Variants in ARVCF observed in about 807,000 individuals in gnomAD.
ARVCF encodes the protein splicing regulator ARVCF.
A neutral mutation model predicts 90.9 loss-of-function variants in ARVCF; 66 were observed. That is an observed-to-expected ratio of 0.73 (90% CI 0.60 to 0.89). ARVCF has a LOEUF of 0.89. ARVCF is among the 40% of genes least tolerant of loss of function. ARVCF has a pLI of 0.00. For missense variants in ARVCF, 1,469 were observed against 1,382.3 expected (o/e 1.06, Z -1.00); for synonymous variants, 653 against 603.4 (o/e 1.08, Z -1.21).
rs751420723 is a variant in ARVCF, at chr22:19,979,747, G to A, written c.1392C>T (p.Val464=). Reference sequence around the variant, plus strand: ...GCATGGCCAGGTCCCACTCACCAGTGACAAGCTCACGGACCTCGTTGTCCC... The same window carrying A: ...GCATGGCCAGGTCCCACTCACCAGTAACAAGCTCACGGACCTCGTTGTCCC... ...AARDNEVREL[V]TGTLWNLSSY... Residue 464 remains valine (V), a synonymous_variant, in exon 6 of 20, where the codon GTC becomes GTT. Transcript: ENST00000263207. 4 of 1,596,370 alleles carry A rather than the reference G, an allele frequency of 2.5e-6. No individual in the cohort carries two copies. The highest frequency in any genetic ancestry group is 2.6e-6 in the Non-Finnish European group (3 of 1,168,496).
intron 2 of ARVCF, among the ~76,000 whole-genome samples, chr22:19,991,782 T>C (rs183191580): frequency 2.4e-4 from 37 of 152,356 alleles, no homozygotes. Context: ...AGGACAAGTA[T>C]GCGGAGCTCC....
chr22:19,973,548 C>G (rs547657125), intron 13 of ARVCF, 95 bp downstream of exon 13: 1 of 1,514,310 alleles, frequency 6.6e-7, no homozygotes, highest in Non-Finnish European at 8.8e-7. Flanking sequence ...GGGGCCTGGA[C>G]TCCCAAACCA....
chr22:19,991,984 C>T (rs1944045122), intron 2 of ARVCF, among the ~76,000 whole-genome samples: 1 of 152,252 alleles, frequency 6.6e-6, no homozygotes, highest in South Asian at 2.1e-4. Flanking sequence ...ACACGCACTG[C>T]GGGTGACATC....
chr22:19,996,739 T>A lies in ARVCF; in HGVS notation c.-18-5927A>T, dbSNP rs1201071705. ...TAGGAAATAGACAAACCAGATACCC[T>A]CCCCACCAGGCAGGCGAGTGAAAGC... On this transcript the variant is annotated intron_variant, in intron 2 of 19. Coordinates refer to ENST00000263207, the MANE Select transcript of ARVCF (RefSeq NM_001670.3). Among the ~76,000 whole-genome samples, 5 of 151,918 alleles carry A rather than the reference T, an allele frequency of 3.3e-5. No individual in the cohort carries two copies. In the East Asian group the frequency reaches 9.7e-4, roughly 29 times the overall value.
At chr22:20,013,215 C>T (rs1321973593) in intron 1 of ARVCF, among the ~76,000 whole-genome samples, 1 of 152,264 alleles carries the variant, frequency 6.6e-6, no homozygotes, top group Non-Finnish European at 1.5e-5. Context: ...CCACCCTGGG[C>T]ACATAGTGAG....
At chr22:20,000,810 C>T (rs1407470045) in intron 2 of ARVCF, among the ~76,000 whole-genome samples, 1 of 152,168 alleles carries the variant, frequency 6.6e-6, no homozygotes, top group Middle Eastern at 3.4e-3. Context: ...AGAGGACACA[C>T]AGCGCCATCT....
At chr22:19,971,149 G>A (rs1942745927) in intron 19 of ARVCF, 67 bp downstream of exon 19, 1 of 1,549,874 alleles carries the variant, frequency 6.5e-7, no homozygotes, top group East Asian at 2.4e-5. Flanking sequence ...AGGCAGCGGA[G>A]ACTAACAAGA....
chr22:20,007,060 C>T (rs1348819677), intron 2 of ARVCF, among the ~76,000 whole-genome samples: 1 of 152,040 alleles, frequency 6.6e-6, no homozygotes, highest in African/African-American at 2.4e-5. Flanking sequence ...TCGAGACCAA[C>T]CTGGGCAACA....
In ARVCF at chr22:19,972,420, C is replaced by T; in HGVS notation, c.2642-9G>A. On this transcript the variant is annotated splice_polypyrimidine_tract_variant and intron_variant, in intron 16 of 19. Coordinates refer to ENST00000263207, the MANE Select transcript of ARVCF (RefSeq NM_001670.3). ...GCCAGTTTTCTCGCCCTCTGCAAGG[C>T]AGGAGGAGGAGACGGGCTGCATGTG... 6.2e-7 allele frequency: 1 copy of T among 1,613,380 alleles called. No individual in the cohort carries two copies. Among genetic ancestry groups the T allele is most frequent in the Non-Finnish European group, 8.5e-7 (1 of 1,179,914 alleles).
In ARVCF at chr22:19,984,543, C is replaced by T. The variant is rs539092540; in HGVS notation, c.211-2452G>A. ...GTCAGCCAGTGATCACAGGAAAGCCCGGCCCCTGCTACACATGCCCAGGCA... is the reference window on the plus strand; with the variant it reads ...GTCAGCCAGTGATCACAGGAAAGCCTGGCCCCTGCTACACATGCCCAGGCA... On this transcript the variant is annotated intron_variant, in intron 3 of 19. Transcript: ENST00000263207. Among the ~76,000 whole-genome samples, 10 of 152,294 alleles carry T rather than the reference C, an allele frequency of 6.6e-5. No homozygotes were observed. In the South Asian group the frequency reaches 1.9e-3, roughly 28 times the overall value.
intron 3 of ARVCF, among the ~76,000 whole-genome samples, chr22:19,985,742 C>G (rs565014206): frequency 6.6e-6 from 1 of 152,316 alleles, no homozygotes; most frequent in East Asian, 1.9e-4. Context: ...TCCTGAAGAA[C>G]AGACTGCAGG....
chr22:19,977,611 G>A, intron 8 of ARVCF, 25 bp from the exon 9 acceptor site: 1 of 1,504,562 alleles, frequency 6.6e-7, no homozygotes, highest in East Asian at 2.4e-5. Context: ...GAGTGGGTGG[G>A]GCAGGGCACC....
At chr22:19,994,298 A>G (rs867248585) in intron 2 of ARVCF, among the ~76,000 whole-genome samples, 3 of 143,418 alleles carry the variant, frequency 2.1e-5, no homozygotes, top group Middle Eastern at 3.5e-3. Flanking sequence ...GGATGAACTT[A>G]TAGATGAATG....
intron 2 of ARVCF, among the ~76,000 whole-genome samples, chr22:19,998,888 A>T (rs1247013788): frequency 6.6e-6 from 1 of 152,084 alleles, no homozygotes; most frequent in Non-Finnish European, 1.5e-5. Flanking sequence ...CTCACTTCTC[A>T]AGCCTCAGCC....
intron 2 of ARVCF, among the ~76,000 whole-genome samples, chr22:19,993,453 G>A (rs1428497154): frequency 1.3e-5 from 2 of 152,272 alleles, no homozygotes; most frequent in Non-Finnish European, 2.9e-5. Context: ...ATGCTGGGCA[G>A]AGTGGGCACC....
At chr22:19,973,872 G>A in intron 12 of ARVCF, 79 bp from the exon 13 acceptor site, 1 of 1,537,860 alleles carries the variant, frequency 6.5e-7, no homozygotes, top group Non-Finnish European at 8.7e-7. Flanking sequence ...GCTCTCTCCA[G>A]CTGGACCTTC....
intron 3 of ARVCF, among the ~76,000 whole-genome samples, chr22:19,986,240 C>T (rs983531188): frequency 3.3e-5 from 5 of 152,206 alleles, no homozygotes; most frequent in South Asian, 2.1e-4. Flanking sequence ...CCTCTGAGGG[C>T]CAGACCCTGG....
chr22:19,990,156 G>A (rs1332467789), intron 3 of ARVCF, among the ~76,000 whole-genome samples: 4 of 152,284 alleles, frequency 2.6e-5, no homozygotes, highest in Non-Finnish European at 5.9e-5. Context: ...GGCCAGCAGA[G>A]AAAATGAGGC....
intron 8 of ARVCF, 104 bp downstream of exon 8, chr22:19,977,854 C>G: frequency 7.5e-7 from 1 of 1,342,202 alleles, no homozygotes; most frequent in Non-Finnish European, 1.0e-6. Context: ...CACCCCAGAC[C>G]CACAAGCCCA....
Sources: gnomAD v4.1 joint callset for allele counts (sites outside exome capture counted in the v4.1 genomes callset) on GRCh38, gnomAD v4.1.1 for gene constraint, MANE v1.5 for transcripts, NCBI Gene and HGNC (gene_info 2026-07-23, HGNC 2026-07-21) for gene names.